Variants in LCLAT1 observed in about 807,000 individuals in gnomAD.
LCLAT1 encodes the protein lysocardiolipin acyltransferase 1.
A neutral mutation model predicts 30.7 loss-of-function variants in LCLAT1; 11 were observed. That is an observed-to-expected ratio of 0.36 (90% CI 0.23 to 0.59). The LOEUF (loss-of-function observed/expected upper bound fraction) is 0.59, where lower values mean the gene tolerates loss of function less well. Ranked by LOEUF, LCLAT1 falls within the 20% of genes least tolerant of loss-of-function variation. The pLI, the probability that LCLAT1 is intolerant of heterozygous loss-of-function variation, is 0.77. For missense variants in LCLAT1, 402 were observed against 458.6 expected, an observed-to-expected ratio of 0.88 and a Z score of 1.13; for synonymous variants, 155 against 151.3, an observed-to-expected ratio of 1.02 and a Z score of -0.18.
intron 3 of LCLAT1, among the ~76,000 whole-genome samples, chr2:30,552,081 G>A (rs948795325): frequency 1.3e-5 from 2 of 152,202 alleles, no homozygotes; most frequent in African/African-American, 2.4e-5. Flanking sequence ...AATTGCTACT[G>A]GGATGTCTTT....
At chr2:30,506,019 G>A (rs527491931) in intron 1 of LCLAT1, among the ~76,000 whole-genome samples, 2 of 152,148 alleles carry the variant, frequency 1.3e-5, no homozygotes, top group Admixed American at 6.5e-5. Context: ...TCCATTAACG[G>A]TTCAGAGTCC....
intron 1 of LCLAT1, among the ~76,000 whole-genome samples, chr2:30,521,489 CTTCTTTTTTTT>C (rs1470032900): frequency 0.014 from 775 of 55,604 alleles, 35 homozygotes; most frequent in African/African-American, 0.059. Context: ...TAAACTACTT[CTTCTTTTTTTT>C]TTTTTTTTTT....
intron 5 of LCLAT1, among the ~76,000 whole-genome samples, chr2:30,588,596 G>GT (rs1379304335): frequency 2.0e-5 from 3 of 151,742 alleles, no homozygotes; most frequent in South Asian, 2.1e-4. Context: ...TTGTTTTTTT[G>GT]TTTTTTTGAG....
At chr2:30,577,737 GA>G (rs763384714) in intron 5 of LCLAT1, among the ~76,000 whole-genome samples, 3 of 151,954 alleles carry the variant, frequency 2.0e-5, no homozygotes, top group Non-Finnish European at 4.4e-5. Flanking sequence ...TTTCCTTGGG[GA>G]AAAAATCACT....
chr2:30,479,109 C>G (rs562388477), intron 1 of LCLAT1, among the ~76,000 whole-genome samples: 1 of 152,152 alleles, frequency 6.6e-6, no homozygotes, highest in South Asian at 2.1e-4. Context: ...AGTGAAATAC[C>G]GTACAGCAAT....
chr2:30,563,277 C>G (rs1665326507), intron 4 of LCLAT1, among the ~76,000 whole-genome samples: 1 of 152,150 alleles, frequency 6.6e-6, no homozygotes, highest in Non-Finnish European at 1.5e-5. Context: ...ACTCAACAGT[C>G]TGTCATCCTT....
chr2:30,493,545 C>A (rs1683938258), intron 1 of LCLAT1, among the ~76,000 whole-genome samples: 2 of 152,084 alleles, frequency 1.3e-5, no homozygotes, highest in African/African-American at 4.8e-5. Context: ...ATTTTTTTAA[C>A]TGACTTTTTT....
chr2:30,600,321 A>G (rs1018598793), intron 5 of LCLAT1, among the ~76,000 whole-genome samples: 8 of 152,200 alleles, frequency 5.3e-5, no homozygotes, highest in Admixed American at 2.0e-4. Flanking sequence ...TTTGAAGTCA[A>G]TAAGAACAAA....
At chr2:30,475,273 AC>A (rs1281308642) in intron 1 of LCLAT1, among the ~76,000 whole-genome samples, 1 of 152,110 alleles carries the variant, frequency 6.6e-6, no homozygotes, top group Middle Eastern at 3.2e-3. Flanking sequence ...TTCTGGGATT[AC>A]AAAATTGAGT....
chr2:30,577,049 T>G (rs1169456722), intron 5 of LCLAT1, among the ~76,000 whole-genome samples: 1 of 150,738 alleles, frequency 6.6e-6, no homozygotes, highest in Non-Finnish European at 1.5e-5. Context: ...ATGAAAGTAG[T>G]TTTCTCCATT....
intron 5 of LCLAT1, among the ~76,000 whole-genome samples, chr2:30,587,729 A>G (rs1160867468): frequency 6.6e-6 from 1 of 152,182 alleles, no homozygotes; most frequent in African/African-American, 2.4e-5. Context: ...TTTCCTAACA[A>G]TATCTTTAGT....
intron 1 of LCLAT1, among the ~76,000 whole-genome samples, chr2:30,512,877 C>G (rs1250690859): frequency 6.6e-6 from 1 of 152,116 alleles, no homozygotes; most frequent in African/African-American, 2.4e-5. Context: ...ACAAATTATA[C>G]TTACATGAAC....
intron 3 of LCLAT1, among the ~76,000 whole-genome samples, chr2:30,533,796 G>T (rs7557310): frequency 6.6e-6 from 1 of 151,894 alleles, no homozygotes; most frequent in South Asian, 2.1e-4. Flanking sequence ...TGTTTTTATC[G>T]CGCTTGTATA....
At chr2:30,462,216 A>C (rs1290586536) in intron 1 of LCLAT1, among the ~76,000 whole-genome samples, 1 of 152,218 alleles carries the variant, frequency 6.6e-6, no homozygotes, top group African/African-American at 2.4e-5. Context: ...CCCAGTCTTT[A>C]TATACAACAA....
chr2:30,539,424 A>C (rs1664010934), intron 3 of LCLAT1, among the ~76,000 whole-genome samples: 1 of 151,932 alleles, frequency 6.6e-6, no homozygotes, highest in African/African-American at 2.4e-5. Flanking sequence ...ATGCCTGGCT[A>C]ATTTTTTTAA....
At chr2:30,492,979 C>T (rs1683906936) in intron 1 of LCLAT1, among the ~76,000 whole-genome samples, 1 of 152,132 alleles carries the variant, frequency 6.6e-6, no homozygotes, top group Non-Finnish European at 1.5e-5. Flanking sequence ...ATTTTGGCAC[C>T]ACTACCTTAT....
rs1686069364 is a variant in LCLAT1 at position 30,533,267 on chromosome 2, T to G, written c.317T>G (p.Leu106Trp). 6.2e-7 allele frequency: 1 copy of G among 1,614,108 alleles called. No homozygotes were observed. The highest frequency in any genetic ancestry group is 2.2e-5 in the East Asian group (1 of 44,864). The stretch of plus-strand genomic sequence containing the variant: ...CTGATGCGATATAGCTACCTCAGAT[T>G]GGAGAAAATTTGCCTCAAAGCGAGT... ...NCLMRYSYLR[L>W]EKICLKASLK... The change falls in exon 3 of 6, where the codon TTG becomes TGG. Residue 106 changes from leucine (L) to tryptophan (W), a missense_variant. Coordinates refer to ENST00000379509, the MANE Select transcript of LCLAT1 (RefSeq NM_001002257.3).
intron 1 of LCLAT1, among the ~76,000 whole-genome samples, chr2:30,493,073 A>G (rs1683912386): frequency 6.6e-6 from 1 of 152,092 alleles, no homozygotes; most frequent in Non-Finnish European, 1.5e-5. Flanking sequence ...CCTCCCTCCC[A>G]GGGGTGGTGA....
intron 1 of LCLAT1, among the ~76,000 whole-genome samples, chr2:30,473,523 A>G (rs1448933586): frequency 6.6e-6 from 1 of 152,224 alleles, no homozygotes; most frequent in Non-Finnish European, 1.5e-5. Context: ...AATTCCTTAT[A>G]ATCGTGATAA....
Sources: gnomAD v4.1 joint callset for allele counts (sites outside exome capture counted in the v4.1 genomes callset) on GRCh38, gnomAD v4.1.1 for gene constraint, MANE v1.5 for transcripts, NCBI Gene and HGNC (gene_info 2026-07-23, HGNC 2026-07-21) for gene names.